Variants in ZNF790 observed in about 807,000 individuals in gnomAD.
The protein encoded by ZNF790 is zinc finger protein 790.
In ZNF790, 8 loss-of-function variants were observed where a neutral mutation model predicts 12.1. The observed-to-expected ratio is 0.66, with a 90% CI of 0.39 to 1.19. The LOEUF (loss-of-function observed/expected upper bound fraction) is 1.19, where lower values mean the gene tolerates loss of function less well. Among genes scored for constraint, ZNF790 ranks in the 50% most tolerant of loss-of-function variants. The probability of loss-of-function intolerance (pLI) is 0.01; values close to 1 mark genes in which losing one functional copy is unlikely to be tolerated. For synonymous variants in ZNF790, 252 were observed against 244.3 expected (o/e 1.03, Z -0.29); for missense variants, 707 against 752.2 (o/e 0.94, Z 0.70).
At chr19:36,840,114 A>G (rs1395316610), upstream of ZNF790, among the ~76,000 whole-genome samples, 3 of 152,330 alleles carry the variant, frequency 2.0e-5, no homozygotes, top group African/African-American at 7.2e-5. Flanking sequence ...TATAAATGCA[A>G]TCAAATTGTA....
intron 2 of ZNF790, among the ~76,000 whole-genome samples, chr19:36,824,306 C>CT (rs980606973): frequency 4.0e-5 from 6 of 150,334 alleles, no homozygotes; most frequent in African/African-American, 7.3e-5. Context: ...CTACATGCTC[C>CT]TTTTTTTTGT....
intron 2 of ZNF790, among the ~76,000 whole-genome samples, chr19:36,824,127 G>C (rs756015043): frequency 6.7e-6 from 1 of 150,300 alleles, no homozygotes; most frequent in Non-Finnish European, 1.5e-5. Flanking sequence ...CTCCCAAGTA[G>C]CTGGGACTAC....
upstream of ZNF790, chr19:36,838,434 A>T (rs1174342751): frequency 1.3e-5 from 2 of 152,200 alleles, no homozygotes; most frequent in Admixed American, 6.5e-5. This position sits in a 1 kb window ranked among gnomAD's most constrained non-coding sequence, Gnocchi z 4.4. Context: ...GGAACGGTGC[A>T]CTCTGGGAAA....
intron 1 of ZNF790, among the ~76,000 whole-genome samples, chr19:36,832,835 C>T (rs185260074): frequency 2.6e-5 from 4 of 151,874 alleles, no homozygotes; most frequent in African/African-American, 9.7e-5. Context: ...TTTGTGATAA[C>T]TGAGAGATAA....
chr19:36,823,966 T>C (rs1161957859), intron 2 of ZNF790, 176 bp from the exon 3 acceptor site: 4 of 425,508 alleles, frequency 9.4e-6, no homozygotes, highest in African/African-American at 2.2e-5. Context: ...GGAATAAGGG[T>C]GACAAAAGCC....
Position 36,819,398 on chromosome 19 carries a change from T to C in ZNF790, c.946A>G (p.Arg316Gly). ...TGTGATCGCTGACTAAAGGCCTTTC[T>C]ACATTCATTACATTCATAGGGTTTT... ...GEKPYECNECRKAFSQRSHLI... is the reference protein window; with the variant it reads ...GEKPYECNECGKAFSQRSHLI... The change falls in exon 5 of 5, where the codon AGA becomes GGA. Residue 316 changes from arginine (R) to glycine (G), a missense_variant. Arg to Gly is a moderately radical substitution (Grantham distance 125). Coordinates refer to ENST00000356725, the MANE Select transcript of ZNF790 (RefSeq NM_206894.4). 1.2e-6 allele frequency: 2 copies of C among 1,612,000 alleles called. No individual in the cohort carries two copies. Among genetic ancestry groups the C allele is most frequent in the Non-Finnish European group, 1.7e-6 (2 of 1,179,050 alleles).
At chr19:36,822,840 AGTTTTT>A (rs554281932) in intron 4 of ZNF790, among the ~76,000 whole-genome samples, 2 of 151,144 alleles carry the variant, frequency 1.3e-5, no homozygotes, top group Non-Finnish European at 2.9e-5. Context: ...GCACCCAGCC[AGTTTTT>A]GTTTTTGTTT....
chr19:36,833,699 T>A (rs781042794), intron 1 of ZNF790, among the ~76,000 whole-genome samples: 13 of 152,270 alleles, frequency 8.5e-5, no homozygotes, highest in Middle Eastern at 6.8e-3. Context: ...GAAGAAAGGA[T>A]GGTCTTGAAT....
At chr19:36,830,118 A>C (rs2071918228) in intron 1 of ZNF790, among the ~76,000 whole-genome samples, 1 of 152,164 alleles carries the variant, frequency 6.6e-6, no homozygotes, top group Non-Finnish European at 1.5e-5. Flanking sequence ...CTGGTCCCTG[A>C]TCTTAGAGGG....
chr19:36,847,488 G>T, intron 1 of ZNF790, among the ~76,000 whole-genome samples: 1 of 151,130 alleles, frequency 6.6e-6, no homozygotes, highest in Middle Eastern at 3.6e-3. Flanking sequence ...AGCCCTTCAC[G>T]CCTGTAATCC....
chr19:36,843,360 TG>T (rs529606647), upstream of ZNF790, among the ~76,000 whole-genome samples: 542 of 152,322 alleles, frequency 3.6e-3, 1 homozygote, highest in Non-Finnish European at 5.8e-3. Flanking sequence ...GCAGAGTTTT[TG>T]GTAGTCTTGC....
upstream of ZNF790, among the ~76,000 whole-genome samples, chr19:36,841,490 C>T (rs756622696): frequency 4.0e-5 from 6 of 151,776 alleles, no homozygotes; most frequent in East Asian, 7.7e-4. Context: ...TATGGTGGCT[C>T]GTGCCTGTAA....
Position 36,818,881 on chromosome 19 carries a change from A to C in ZNF790, c.1463T>G (p.Phe488Cys), listed in dbSNP as rs573113235. Reference protein sequence around the residue: ...YECKECGKTFFRGSELNRHQK... With the variant: ...YECKECGKTFCRGSELNRHQK... ...GTGTCGATTAAGTTCTGAACCACGAAAAAAGGTCTTTCCACATTCCTTACA... is the reference window on the plus strand; with the variant it reads ...GTGTCGATTAAGTTCTGAACCACGACAAAAGGTCTTTCCACATTCCTTACA... The change falls in exon 5 of 5, where the codon TTT becomes TGT. Residue 488 changes from phenylalanine to cysteine, a missense_variant. By Grantham distance (205) the Phe-to-Cys change is radical. Transcript: ENST00000356725. 29 of 1,613,542 alleles carry C rather than the reference A, an allele frequency of 1.8e-5. No homozygotes were observed. The highest frequency in any genetic ancestry group is 2.3e-5 in the Non-Finnish European group (27 of 1,179,910).
chr19:36,849,726 G>T (rs2072224075), intron 1 of ZNF790, among the ~76,000 whole-genome samples: 1 of 151,916 alleles, frequency 6.6e-6, no homozygotes, highest in South Asian at 2.1e-4. Flanking sequence ...CACAGTCATA[G>T]TATCAGCTAC....
exon 1 of ZNF790, chr19:36,850,224 C>T (rs1167512648): frequency 6.6e-6 from 1 of 152,254 alleles, no homozygotes; most frequent in Non-Finnish European, 1.5e-5. Context: ...GCCTCAGGAC[C>T]CAGAGAACGC....
Position 36,819,498 on chromosome 19 carries a change from A to G in ZNF790, c.846T>C (p.Tyr282=), listed in dbSNP as rs143359857. The G allele has an allele frequency of 7.7e-4, 1,240 of 1,612,202 alleles. 12 individuals are homozygous for G. The African/African-American group carries it at 0.015, about 20-fold the overall frequency. The stretch of plus-strand genomic sequence containing the variant: ...AGGCCTTCCCACATTCCTTACATTC[A>G]TAAGATTTCTCACCAGTATGAATTC... ...HKRIHTGEKS[Y]ECKECGKAFS... The change falls in exon 5 of 5, where the codon TAT becomes TAC. Residue 282 remains tyrosine, a synonymous_variant. Coordinates refer to ENST00000356725, the MANE Select transcript of ZNF790 (RefSeq NM_206894.4).
rs552345825 is a variant in ZNF790 at position 36,832,191 on chromosome 19, T to C, written c.-74+6146A>G. On this transcript the variant is annotated intron_variant, in intron 1 of 4. Coordinates refer to ENST00000356725, the MANE Select transcript of ZNF790 (RefSeq NM_206894.4). ...ACATACTCCAGCCACAAAAGAACAA[T>C]AGTGAAAGTTTCAGCAAAAGAATAG... Among the ~76,000 whole-genome samples the C allele has an allele frequency of 1.1e-4, 17 of 152,084 alleles. No homozygotes were observed. The East Asian group carries it at 2.5e-3, about 22-fold the overall frequency.
intron 4 of ZNF790, among the ~76,000 whole-genome samples, chr19:36,822,571 T>G (rs2071697859): frequency 6.6e-6 from 1 of 152,228 alleles, no homozygotes; most frequent in South Asian, 2.1e-4. Context: ...GGAGTCTGAC[T>G]GTACTCCAGC....
rs775545928 is a variant in ZNF790, at chr19:36,819,529, T to C, written c.815A>G (p.His272Arg). The C allele has an allele frequency of 6.2e-7, 1 of 1,613,192 alleles. No homozygotes were observed. The highest frequency in any genetic ancestry group is 1.1e-5 in the South Asian group (1 of 91,028). The change falls in exon 5 of 5, where the codon CAT becomes CGT. Residue 272 changes from histidine to arginine, a missense_variant. By Grantham distance (29) the His-to-Arg change is conservative (BLOSUM62 0). Transcript: ENST00000356725. ...AFRFHSQLSV[H>R]KRIHTGEKSY... ...TTTCTCACCAGTATGAATTCGCTTATGGACACTAAGTTGTGAATGAAATCT... is the reference window on the plus strand; with the variant it reads ...TTTCTCACCAGTATGAATTCGCTTACGGACACTAAGTTGTGAATGAAATCT...
Sources: allele counts gnomAD v4.1 joint callset (sites outside exome capture counted in the v4.1 genomes callset), GRCh38; gene constraint gnomAD v4.1.1; non-coding constraint Gnocchi (gnomAD v3.1); transcripts MANE v1.5; gene names NCBI Gene and HGNC (gene_info 2026-07-23, HGNC 2026-07-21).